The following RAB4A variants were observed in gnomAD, a reference collection of about 807,000 sequenced individuals.
RAB4A encodes the protein ras-related protein Rab-4A.
RAB4A carries 20 observed loss-of-function variants against 34.5 expected under a neutral mutation model. The ratio of observed to expected loss-of-function variants is 0.58; its 90% CI spans 0.41 to 0.84. The LOEUF is 0.84. RAB4A is among the 40% of genes least tolerant of loss of function. RAB4A has a pLI of 0.00. For missense variants in RAB4A, 228 were observed against 274.5 expected, an observed-to-expected ratio of 0.83 and a Z score of 1.20; for synonymous variants, 102 against 100.0, an observed-to-expected ratio of 1.02 and a Z score of -0.12.
At chr1:229,303,217 G>A (rs1657463998) in intron 7 of RAB4A, among the ~76,000 whole-genome samples, 1 of 152,090 alleles carries the variant, frequency 6.6e-6, no homozygotes, top group Admixed American at 6.6e-5. Context: ...CAAAAAATTA[G>A]CCAGGCGTGG....
chr1:229,288,665 T>G, intron 2 of RAB4A, 64 bp from the exon 3 acceptor site: 1 of 851,908 alleles, frequency 1.2e-6, no homozygotes, highest in Non-Finnish European at 1.9e-6. Context: ...GTGTCACTTG[T>G]TTAAATCTAT....
At chr1:229,302,309 A>ATATATATAT (rs1657431515) in intron 6 of RAB4A, among the ~76,000 whole-genome samples, 1 of 35,898 alleles carries the variant, frequency 2.8e-5, no homozygotes, top group Non-Finnish European at 5.4e-5. Context: ...ATATATATAT[A>ATATATATAT]TTTTTTTTTT....
chr1:229,273,731 T>A (rs986881592), intron 1 of RAB4A, among the ~76,000 whole-genome samples: 6 of 152,124 alleles, frequency 3.9e-5, no homozygotes, highest in Non-Finnish European at 7.4e-5. Context: ...AGAGTGAGAC[T>A]CTGTCTCAAA....
intron 1 of RAB4A, among the ~76,000 whole-genome samples, chr1:229,285,038 T>A (rs900839701): frequency 6.6e-6 from 1 of 152,200 alleles, no homozygotes; most frequent in African/African-American, 2.4e-5. Context: ...GACAGAGTGC[T>A]CTGTCACCCA....
intron 1 of RAB4A, among the ~76,000 whole-genome samples, chr1:229,271,853 T>C (rs1656493453): frequency 6.6e-6 from 1 of 152,234 alleles, no homozygotes; most frequent in South Asian, 2.1e-4. Context: ...TGAGGAGTTA[T>C]TAATAGGCTA....
In RAB4A at chr1:229,298,977, A is replaced by G. The variant is rs770048438; in HGVS notation, c.446A>G (p.Glu149Gly). The G allele has an allele frequency of 2.7e-5, 44 of 1,606,118 alleles. No homozygotes were observed. Among genetic ancestry groups the G allele is most frequent in the Admixed American group, 6.9e-5 (4 of 58,072 alleles). ...TTATTTTGTTTGATGTCCATTTTAG[A>G]GCTGATGTTTTTGGAAACAAGTGCG... ...LEASRFAQENELMFLETSALT... is the reference protein window; with the variant it reads ...LEASRFAQENGLMFLETSALT... Residue 149 changes from glutamate (E) to glycine (G), a missense_variant and splice_region_variant, in exon 6 of 8, where the codon GAG becomes GGG. Transcript: ENST00000366690.
intron 1 of RAB4A, among the ~76,000 whole-genome samples, chr1:229,276,993 A>G (rs945297922): frequency 2.0e-5 from 3 of 146,566 alleles, no homozygotes; most frequent in Non-Finnish European, 4.5e-5. Flanking sequence ...TCTATATATA[A>G]TATAGATATA....
intron 1 of RAB4A, among the ~76,000 whole-genome samples, chr1:229,274,938 CTT>C (rs1247819748): frequency 1.3e-5 from 2 of 152,138 alleles, no homozygotes; most frequent in Non-Finnish European, 1.5e-5. Flanking sequence ...AAAATATACT[CTT>C]AATGTTTTTA....
At chr1:229,277,650 T>A (rs1246692125) in intron 1 of RAB4A, among the ~76,000 whole-genome samples, 1 of 151,366 alleles carries the variant, frequency 6.6e-6, no homozygotes, top group Non-Finnish European at 1.5e-5. Flanking sequence ...TCCTGACTGA[T>A]CCTAGGTCAC....
chr1:229,304,986 G>T lies in RAB4A; in HGVS notation c.*1193G>T, dbSNP rs34728722. ...ATGCAGTATTATTTAAATCTGAAAG[G>T]TTAAAAAGCTTTCTTCACCTTATAT... On this transcript the variant is annotated 3_prime_UTR_variant, in exon 8 of 8. Transcript: ENST00000366690. 3.6e-4 allele frequency: 325 copies of T among 893,828 alleles called. 7 individuals carry two copies. The East Asian group carries it at 0.011, about 31-fold the overall frequency. 55.4% of individuals were successfully genotyped at this position (893,828 alleles called of 1,614,324 possible).
In RAB4A at chr1:229,271,119, C is replaced by G. The variant is rs1048115217; in HGVS notation, c.-221C>G. 2.8e-6 allele frequency: 1 copy of G among 362,628 alleles called. No homozygotes were observed. The allele number at this position is 362,628 out of a possible 1,614,324, so 22.5% of individuals were successfully genotyped here. A position where few individuals can be genotyped will look rare whatever the true frequency, so the allele number is the denominator to read the frequency against. ...CTCGCGTAGCCCATCTCCTCTTCCT[C>G]CTCGCGGTCGCGGCCGGACGGAGGG... On this transcript the variant is annotated 5_prime_UTR_variant, in exon 1 of 8. Transcript: ENST00000366690.
At chr1:229,302,278 TATATATATATATATATATATATATATA>T (rs1657410730) in intron 6 of RAB4A, among the ~76,000 whole-genome samples, 22 of 22,854 alleles carry the variant, frequency 9.6e-4, no homozygotes, top group African/African-American at 2.1e-3. Flanking sequence ...TATATATATA[TATATATATATATATATATATATATATA>T]TATATTTTTT....
chr1:229,284,544 C>G (rs1656873897), intron 1 of RAB4A, among the ~76,000 whole-genome samples: 1 of 152,148 alleles, frequency 6.6e-6, no homozygotes, highest in African/African-American at 2.4e-5. Flanking sequence ...TGTTGCCCCT[C>G]TTCTCAGCCC....
chr1:229,273,478 G>T lies in RAB4A; in HGVS notation c.31+2108G>T, dbSNP rs112698001. Reference sequence around the variant, plus strand: ...AATGAGGCCAGAGGTGATGGCTCACGCCTGTAATCCCAGCACTTTGGAAGG... The same window carrying T: ...AATGAGGCCAGAGGTGATGGCTCACTCCTGTAATCCCAGCACTTTGGAAGG... On this transcript the variant is annotated intron_variant, in intron 1 of 7. Transcript: ENST00000366690. 2.5e-3 allele frequency among the ~76,000 whole-genome samples: 380 copies of T among 152,328 alleles called. 2 individuals carry two copies. Among genetic ancestry groups the T allele is most frequent in the African/African-American group, 8.5e-3 (353 of 41,576 alleles).
intron 1 of RAB4A, among the ~76,000 whole-genome samples, chr1:229,282,561 GTGACATGAA>G (rs1322611551): frequency 6.6e-6 from 1 of 152,120 alleles, no homozygotes; most frequent in African/African-American, 2.4e-5. Flanking sequence ...CAGGACTCCA[GTGACATGAA>G]TGTTAGATCT....
rs1006237531 is a variant in RAB4A at position 229,277,180 on chromosome 1, A to G, written c.31+5810A>G. On this transcript the variant is annotated intron_variant, in intron 1 of 7. Coordinates refer to ENST00000366690, the MANE Select transcript of RAB4A (RefSeq NM_004578.4). ...AGCCTCCTCAGTGTGTGTGATCCCA[A>G]CGAATGGGTCAGGAAAATCAAAGAC... Among the ~76,000 whole-genome samples the G allele has an allele frequency of 4.6e-5, 7 of 150,678 alleles. 1 individual carries two copies. The highest frequency in any genetic ancestry group is 1.5e-4 in the African/African-American group (6 of 40,208).
Position 229,278,013 on chromosome 1 carries a change from C to T in RAB4A, c.31+6643C>T, listed in dbSNP as rs184784141. Among the ~76,000 whole-genome samples, 71 of 151,636 alleles carry T rather than the reference C, an allele frequency of 4.7e-4. 7 individuals are homozygous for T. The highest frequency in any genetic ancestry group is 1.7e-3 in the African/African-American group (68 of 40,970). On this transcript the variant is annotated intron_variant, in intron 1 of 7. Transcript: ENST00000366690. ...CTGAGTCGCTGGGATTACAAGTGTG[C>T]GCCACCACGCCTGGCTCATTTTTGT...
chr1:229,302,307 ATATTTT>A (rs1347810103), intron 6 of RAB4A, among the ~76,000 whole-genome samples: 36 of 34,952 alleles, frequency 1.0e-3, no homozygotes, highest in Admixed American at 2.1e-3. Context: ...ATATATATAT[ATATTTT>A]TTTTTTTTTT....
intron 1 of RAB4A, among the ~76,000 whole-genome samples, chr1:229,283,898 TTTATTATTA>T (rs142903325): frequency 6.7e-6 from 1 of 148,996 alleles, no homozygotes; most frequent in Non-Finnish European, 1.5e-5. Flanking sequence ...GGCTAATTTT[TTTATTATTA>T]TTATTTTTAA....
Sources: allele counts gnomAD v4.1 joint callset (sites outside exome capture counted in the v4.1 genomes callset), GRCh38; gene constraint gnomAD v4.1.1; transcripts MANE v1.5; gene names NCBI Gene and HGNC (gene_info 2026-07-23, HGNC 2026-07-21).